Variants in MYO16 observed in about 807,000 individuals in gnomAD.
MYO16 encodes the protein myosin XVI, also known as unconventional myosin-XVI.
In MYO16, 94 loss-of-function variants were observed where a neutral mutation model predicts 205.3. The observed-to-expected ratio is 0.46, with a 90% CI of 0.39 to 0.54. MYO16 has a LOEUF of 0.54. Ranked by LOEUF, MYO16 falls within the 20% of genes least tolerant of loss-of-function variation. The pLI is 0.00. For synonymous variants in MYO16, 988 were observed against 954.0 expected, an observed-to-expected ratio of 1.04 and a Z score of -0.66; for missense variants, 2,315 against 2,387.5, an observed-to-expected ratio of 0.97 and a Z score of 0.63.
At position 108,778,214 on chromosome 13, in the gene MYO16, C is replaced by T. The variant is rs878537; in HGVS notation, c.508-7421C>T. 2.6e-5 allele frequency among the ~76,000 whole-genome samples: 4 copies of T among 152,062 alleles called. No individual in the cohort carries two copies. In the South Asian group the frequency reaches 6.2e-4, roughly 24 times the overall value. On this transcript the variant is annotated intron_variant, in intron 4 of 34. Transcript: ENST00000457511. The stretch of plus-strand genomic sequence containing the variant: ...TATCCTCTTTCAAGGCATTTTTTCC[C>T]GGTGAAGTCATCACAGTTTTTCAGT...
In MYO16 at chr13:108,798,994, C is replaced by T. The variant is rs1024452648; in HGVS notation, c.741+5354C>T. ...TGCTGGGATTACAGGCGTGAGCCAC[C>T]GCGCCCGGCCCCCGAGGCTTATTTA... is the stretch of plus-strand genomic sequence containing the variant. On this transcript the variant is annotated intron_variant, in intron 6 of 34. Transcript: ENST00000457511. Among the ~76,000 whole-genome samples, 11 of 149,778 alleles carry T rather than the reference C, an allele frequency of 7.3e-5. No homozygotes were observed. In the East Asian group the frequency reaches 2.0e-3, roughly 28 times the overall value.
chr13:108,839,525 A>G (rs1417293860), intron 9 of MYO16, among the ~76,000 whole-genome samples: 3 of 152,196 alleles, frequency 2.0e-5, no homozygotes, highest in African/African-American at 4.8e-5. Flanking sequence ...AGGCATATGT[A>G]GATAGCTACA....
intron 31 of MYO16, among the ~76,000 whole-genome samples, chr13:109,134,841 A>G (rs1452303800): frequency 3.9e-5 from 6 of 152,164 alleles, no homozygotes; most frequent in Admixed American, 6.5e-5. Context: ...TGGAAAGGAT[A>G]TACTGTGGTG....
intron 28 of MYO16, among the ~76,000 whole-genome samples, chr13:109,105,213 A>G (rs1594090008): frequency 6.6e-6 from 1 of 152,256 alleles, no homozygotes; most frequent in African/African-American, 2.4e-5. Context: ...GCTCATGCCT[A>G]TAATACCAGC....
chr13:108,990,514 CAG>C (rs1171906501), intron 20 of MYO16, among the ~76,000 whole-genome samples: 1 of 140,894 alleles, frequency 7.1e-6, no homozygotes, highest in African/African-American at 2.6e-5. Flanking sequence ...AAACTGAAAT[CAG>C]AAAAAAAAAT....
At chr13:108,702,054 G>T (rs1883330299) in intron 2 of MYO16, among the ~76,000 whole-genome samples, 1 of 152,126 alleles carries the variant, frequency 6.6e-6, no homozygotes, top group Non-Finnish European at 1.5e-5. Flanking sequence ...ACAGCCTAAG[G>T]GGCCTGTAGA....
At chr13:108,983,257 C>A (rs1438232501) in intron 20 of MYO16, among the ~76,000 whole-genome samples, 5 of 152,160 alleles carry the variant, frequency 3.3e-5, no homozygotes, top group Non-Finnish European at 7.4e-5. Flanking sequence ...CTCCTGTCTT[C>A]CTCCTTCTCT....
At chr13:108,807,315 A>G (rs2138983349) in intron 7 of MYO16, among the ~76,000 whole-genome samples, 1 of 152,276 alleles carries the variant, frequency 6.6e-6, no homozygotes, top group East Asian at 1.9e-4. Context: ...ATAATCTATC[A>G]TAAATTTCAG....
chr13:108,789,269 C>G (rs1185118959), intron 5 of MYO16, among the ~76,000 whole-genome samples: 1 of 152,138 alleles, frequency 6.6e-6, no homozygotes, highest in African/African-American at 2.4e-5. Flanking sequence ...ACAGATTCTC[C>G]TTATTTGATA....
At chr13:108,847,136 C>G (rs774367579) in intron 10 of MYO16, among the ~76,000 whole-genome samples, 10 of 152,078 alleles carry the variant, frequency 6.6e-5, no homozygotes, top group Non-Finnish European at 1.3e-4. Context: ...TTTAATAAGA[C>G]GTTTCTAAAA....
At chr13:108,796,831 T>C (rs1191751050) in intron 6 of MYO16, among the ~76,000 whole-genome samples, 2 of 149,592 alleles carry the variant, frequency 1.3e-5, no homozygotes, top group African/African-American at 4.9e-5. Flanking sequence ...GACGAGTTAA[T>C]GGGTGCAGCA....
chr13:108,964,610 A>G, intron 19 of MYO16, 151 bp from the exon 20 acceptor site: 1 of 820,540 alleles, frequency 1.2e-6, no homozygotes, highest in Non-Finnish European at 1.9e-6. Flanking sequence ...ATAATAACTG[A>G]CGGAGACCTC....
chr13:108,922,886 T>C (rs1881811021), intron 16 of MYO16, among the ~76,000 whole-genome samples: 1 of 152,176 alleles, frequency 6.6e-6, no homozygotes, highest in Admixed American at 6.5e-5. Context: ...AGGGAGACTA[T>C]ACGAAAACCT....
chr13:109,202,412 TG>T (rs1880430323), intron 34 of MYO16, among the ~76,000 whole-genome samples: 1 of 152,180 alleles, frequency 6.6e-6, no homozygotes, highest in East Asian at 1.9e-4. Flanking sequence ...GGGAGAAAGG[TG>T]GTATCACATT....
intron 2 of MYO16, among the ~76,000 whole-genome samples, chr13:108,693,578 T>G (rs1882980981): frequency 6.6e-6 from 1 of 152,242 alleles, no homozygotes; most frequent in African/African-American, 2.4e-5. Context: ...TGTTTTCTTA[T>G]AATAACATTC....
At chr13:109,048,167 G>A (rs1594500645) in intron 24 of MYO16, among the ~76,000 whole-genome samples, 1 of 119,320 alleles carries the variant, frequency 8.4e-6, no homozygotes, top group South Asian at 2.8e-4. Context: ...GTGTGTGTGT[G>A]TGTGTGTGTG....
chr13:108,960,928 C>T (rs1044667800), intron 17 of MYO16, among the ~76,000 whole-genome samples: 1 of 152,170 alleles, frequency 6.6e-6, no homozygotes, highest in East Asian at 1.9e-4. Flanking sequence ...TGCCAACATC[C>T]ATTTTTTTCT....
intron 34 of MYO16, among the ~76,000 whole-genome samples, chr13:109,186,552 G>A (rs980387295): frequency 6.6e-6 from 1 of 152,064 alleles, no homozygotes; most frequent in Non-Finnish European, 1.5e-5. Flanking sequence ...AGGGCTAGAA[G>A]TTACAGCACC....
chr13:109,152,598 T>C (rs1001906915), intron 32 of MYO16, among the ~76,000 whole-genome samples: 4 of 152,200 alleles, frequency 2.6e-5, no homozygotes, highest in African/African-American at 7.2e-5. Context: ...CTGATGATCA[T>C]TAAAACACCC....
Sources: gnomAD v4.1 joint callset for allele counts (sites outside exome capture counted in the v4.1 genomes callset) on GRCh38, gnomAD v4.1.1 for gene constraint, MANE v1.5 for transcripts, NCBI Gene and HGNC (gene_info 2026-07-23, HGNC 2026-07-21) for gene names.